Variants in CYP17A1 observed in about 807,000 individuals in gnomAD.
CYP17A1 encodes steroid 17-alpha-hydroxylase/17,20 lyase.
CYP17A1 carries 27 observed loss-of-function variants against 38.5 expected under a neutral mutation model. The ratio of observed to expected loss-of-function variants is 0.70; its 90% CI spans 0.52 to 0.97. The LOEUF (loss-of-function observed/expected upper bound fraction) is 0.97, where lower values mean the gene tolerates loss of function less well. Ranked by LOEUF, CYP17A1 falls within the 50% of genes least tolerant of loss-of-function variation. CYP17A1 has a pLI of 0.00. For missense variants in CYP17A1, 549 were observed against 645.9 expected, an observed-to-expected ratio of 0.85 and a Z score of 1.63; for synonymous variants, 263 against 253.3, an observed-to-expected ratio of 1.04 and a Z score of -0.36.
rs1286338971 is a variant in CYP17A1, at chr10:102,832,984, G to A, written c.969+9C>T. On this transcript the variant is annotated intron_variant, in intron 5 of 7. Coordinates refer to ENST00000369887, the MANE Select transcript of CYP17A1 (RefSeq NM_000102.4). ...GCTGGGGTCTAGGATCAATGAGGGG[G>A]AAGCACACCTGAGGATTGTGCAGCA... 6.2e-7 allele frequency: 1 copy of A among 1,613,776 alleles called. No individual in the cohort carries two copies. Among genetic ancestry groups the A allele is most frequent in the Non-Finnish European group, 8.5e-7 (1 of 1,179,804 alleles).
At position 102,834,086 on chromosome 10, in the gene CYP17A1, G is replaced by T; in HGVS notation, c.703C>A (p.His235Asn). ...AGCAGATCATTTCGTATTTTAACATGGCTCTTTAATTTTTCCAGGGTTTTG... is the reference window on the plus strand; with the variant it reads ...AGCAGATCATTTCGTATTTTAACATTGCTCTTTAATTTTTCCAGGGTTTTG... ...PNKTLEKLKS[H>N]VKIRNDLLNK... The change falls in exon 4 of 8, where the codon CAT becomes AAT. Residue 235 changes from histidine to asparagine, a missense_variant. His to Asn is a moderately conservative substitution (Grantham distance 68). Coordinates refer to ENST00000369887, the MANE Select transcript of CYP17A1 (RefSeq NM_000102.4). 1.5e-6 allele frequency: 2 copies of T among 1,336,964 alleles called. No homozygotes were observed. The highest frequency in any genetic ancestry group is 2.2e-6 in the Non-Finnish European group (2 of 926,942). The allele number at this position is 1,336,964 out of a possible 1,614,324, so 82.8% of individuals were successfully genotyped here. A position where few individuals can be genotyped will look rare whatever the true frequency, so the allele number is the denominator to read the frequency against.
chr10:102,831,786 A>C, intron 6 of CYP17A1, 175 bp from the exon 7 acceptor site: 1 of 1,188,902 alleles, frequency 8.4e-7, no homozygotes, highest in Non-Finnish European at 1.2e-6. Flanking sequence ...GCCCTTCTCC[A>C]TCCCTTCCCT....
intron 1 of CYP17A1, among the ~76,000 whole-genome samples, chr10:102,835,818 T>A (rs1449668808): frequency 6.6e-6 from 1 of 152,136 alleles, no homozygotes; most frequent in Non-Finnish European, 1.5e-5. Flanking sequence ...AGATCTCTGC[T>A]TTTCCCTGAG....
chr10:102,831,697 G>A (rs746197700), intron 6 of CYP17A1, 86 bp from the exon 7 acceptor site: 118 of 1,580,428 alleles, frequency 7.5e-5, no homozygotes, highest in Middle Eastern at 1.7e-4. Flanking sequence ...TTCTTCCGCC[G>A]TGAGGAAAAT....
rs558207891 is a variant in CYP17A1, at chr10:102,834,731, G to A, written c.666+54C>T. ...AGGGAAGTAAAAAGGAAGGAAGATT[G>A]GGGACAATGTCAGGGTCTACTAGAA... On this transcript the variant is annotated intron_variant, in intron 3 of 7. Coordinates refer to ENST00000369887, the MANE Select transcript of CYP17A1 (RefSeq NM_000102.4). 390 of 1,613,448 alleles carry A rather than the reference G, an allele frequency of 2.4e-4. 3 individuals carry two copies. In the South Asian group the frequency reaches 4.1e-3, roughly 17 times the overall value.
In CYP17A1 at chr10:102,834,087, G is replaced by T; in HGVS notation, c.702C>A (p.Ser234Arg). ...FPNKTLEKLKSHVKIRNDLLN... is the reference protein window; with the variant it reads ...FPNKTLEKLKRHVKIRNDLLN... The stretch of plus-strand genomic sequence containing the variant: ...GCAGATCATTTCGTATTTTAACATG[G>T]CTCTTTAATTTTTCCAGGGTTTTGT... Residue 234 changes from serine to arginine, a missense_variant, in exon 4 of 8, where the codon AGC becomes AGA. By Grantham distance (110) the Ser-to-Arg change is moderately radical. Around this residue, in one of 3 missense-constraint regions of CYP17A1, gnomAD observed 289 missense variants for 320.9 expected, o/e 0.90. Coordinates refer to ENST00000369887, the MANE Select transcript of CYP17A1 (RefSeq NM_000102.4). 1.5e-6 allele frequency: 2 copies of T among 1,334,778 alleles called. No homozygotes were observed. Among genetic ancestry groups the T allele is most frequent in the Non-Finnish European group, 2.2e-6 (2 of 924,946 alleles). 82.7% of individuals were successfully genotyped at this position (1,334,778 alleles called of 1,614,324 possible). A position where few individuals can be genotyped will look rare whatever the true frequency, so the allele number is the denominator to read the frequency against.
intron 3 of CYP17A1, chr10:102,834,355 C>A (rs543755428): frequency 1.0e-5 from 6 of 577,688 alleles, no homozygotes; most frequent in Non-Finnish European, 1.9e-5. Flanking sequence ...CTTCCCCATT[C>A]AATCAAACAT....
intron 3 of CYP17A1, 107 bp downstream of exon 3, chr10:102,834,678 G>T (rs1935982520): frequency 6.5e-7 from 1 of 1,540,416 alleles, no homozygotes; most frequent in Non-Finnish European, 8.9e-7. Context: ...AGGTAATCAG[G>T]AAAAAGATGG....
At position 102,830,666 on chromosome 10, in the gene CYP17A1, C is replaced by T. The variant is rs758845751; in HGVS notation, c.*36G>A. 1.6e-6 allele frequency: 2 copies of T among 1,267,130 alleles called. No individual in the cohort carries two copies. Among genetic ancestry groups the T allele is most frequent in the Non-Finnish European group, 2.3e-6 (2 of 874,524 alleles). The allele number at this position is 1,267,130 out of a possible 1,614,324, so 78.5% of individuals were successfully genotyped here. A position where few individuals can be genotyped will look rare whatever the true frequency, so the allele number is the denominator to read the frequency against. On this transcript the variant is annotated 3_prime_UTR_variant, in exon 8 of 8. Coordinates refer to ENST00000369887, the MANE Select transcript of CYP17A1 (RefSeq NM_000102.4). The surrounding 1 kb of genome is among the most constrained non-coding windows in gnomAD (Gnocchi z 4.1). ...GTATCTCTAAATCTGTGTTGTGGGG[C>T]CACATAGGGTGGACAGGGGCTGTGA... is the stretch of plus-strand genomic sequence containing the variant.
In CYP17A1 at chr10:102,837,144, G is replaced by A. The variant is rs1290838496; in HGVS notation, c.218C>T (p.Thr73Ile). Residue 73 changes from threonine (T) to isoleucine (I), a missense_variant, in exon 1 of 8, where the codon ACA becomes ATA. Physicochemically the swap from Thr to Ile is moderately conservative, Grantham distance 89. This residue lies in a region of CYP17A1 where 289 missense variants were observed against 320.9 expected (regional missense o/e 0.90). Coordinates refer to ENST00000369887, the MANE Select transcript of CYP17A1 (RefSeq NM_000102.4). ...IYSVRMGTKT[T>I]VIVGHHQLAK... ...CAGCTGGTGGTGGCCGACAATCACTGTAGTCTTGGTGCCCATACGAACCGA... is the reference window on the plus strand; with the variant it reads ...CAGCTGGTGGTGGCCGACAATCACTATAGTCTTGGTGCCCATACGAACCGA... 3.1e-6 allele frequency: 5 copies of A among 1,595,946 alleles called. No individual in the cohort carries two copies. In the South Asian group the frequency reaches 5.5e-5, roughly 18 times the overall value.
At position 102,830,729 on chromosome 10, in the gene CYP17A1, C is replaced by G; in HGVS notation, c.1500G>C (p.Arg500Ser). Residue 500 changes from arginine (R) to serine (S), a missense_variant, in exon 8 of 8, where the codon AGG becomes AGC. Arg to Ser is a moderately radical substitution (Grantham distance 110). This residue lies in a region of CYP17A1 where 257 missense variants were observed against 307.9 expected (regional missense o/e 0.83). Coordinates refer to ENST00000369887, the MANE Select transcript of CYP17A1 (RefSeq NM_000102.4). This position sits in a 1 kb window ranked among gnomAD's most constrained non-coding sequence, Gnocchi z 4.1. The stretch of plus-strand genomic sequence containing the variant: ...AGGTGCTACCCTCAGCCTGGGCTTC[C>G]CTCCAGGCCTGGCGCACCTTGATCT... ...KVKIKVRQAW[R>S]EAQAEGST is the part of the protein sequence containing the mutation. 3 of 1,600,128 alleles carry G rather than the reference C, an allele frequency of 1.9e-6. No individual in the cohort carries two copies. Among genetic ancestry groups the G allele is most frequent in the Non-Finnish European group, 2.6e-6 (3 of 1,169,702 alleles).
Position 102,837,061 on chromosome 10 carries a change from T to C in CYP17A1, c.297+4A>G. 6.4e-7 allele frequency: 1 copy of C among 1,570,404 alleles called. No individual in the cohort carries two copies. The highest frequency in any genetic ancestry group is 1.1e-5 in the South Asian group (1 of 90,148). ...GGGGCAGGGAGGAGATGGGCACCAC[T>C]TACCATTTGAGGCCGCCCAGAGAAG... On this transcript the variant is annotated splice_donor_region_variant and intron_variant, in intron 1 of 7. Transcript: ENST00000369887.
chr10:102,830,634 G>A lies in CYP17A1; in HGVS notation c.*68C>T, dbSNP rs957193593. On this transcript the variant is annotated 3_prime_UTR_variant, in exon 8 of 8. Coordinates refer to ENST00000369887, the MANE Select transcript of CYP17A1 (RefSeq NM_000102.4). This position sits in a 1 kb window ranked among gnomAD's most constrained non-coding sequence, Gnocchi z 4.1. ...TAGGGAAGAATGGCGGAGAAGGGTGGGGGGTTGTATCTCTAAATCTGTGTT... is the reference window on the plus strand; with the variant it reads ...TAGGGAAGAATGGCGGAGAAGGGTGAGGGGTTGTATCTCTAAATCTGTGTT... 3 of 865,466 alleles carry A rather than the reference G, an allele frequency of 3.5e-6. No individual in the cohort carries two copies. In the African/African-American group the frequency reaches 5.0e-5, roughly 14 times the overall value. 53.6% of individuals were successfully genotyped at this position (865,466 alleles called of 1,614,324 possible).
intron 7 of CYP17A1, 121 bp from the exon 8 acceptor site, chr10:102,831,106 TTATTATGGGGGAACCCCCG>T: frequency 2.3e-6 from 1 of 441,258 alleles, no homozygotes; most frequent in Non-Finnish European, 4.5e-6. Flanking sequence ...GGATGTAGCC[TTATTATGGGGGAACCCCCG>T]CCTGGGGAGA....
At chr10:102,832,430 G>T in intron 6 of CYP17A1, 81 bp downstream of exon 6, 2 of 932,454 alleles carry the variant, frequency 2.1e-6, no homozygotes, top group Admixed American at 3.4e-5. Flanking sequence ...AGCAGGGGCC[G>T]GGGGTAGGGG....
At chr10:102,836,071 G>A (rs284847) in intron 1 of CYP17A1, among the ~76,000 whole-genome samples, 3,367 of 152,212 alleles carry the variant, frequency 0.022, 64 homozygotes, top group Non-Finnish European at 0.035. Context: ...CTCTGCCCCC[G>A]GGAGGAAGCC....
intron 6 of CYP17A1, 39 bp downstream of exon 6, chr10:102,832,472 G>A (rs747379388): frequency 1.4e-6 from 2 of 1,385,154 alleles, no homozygotes; most frequent in East Asian, 2.3e-5. Context: ...AGTGTTGAAT[G>A]CATCATGGGG....
chr10:102,834,350 C>T (rs528569582), intron 3 of CYP17A1: 21 of 579,432 alleles, frequency 3.6e-5, no homozygotes, highest in African/African-American at 2.2e-4. Flanking sequence ...CTCTCCTTCC[C>T]CATTCAATCA....
In CYP17A1 at chr10:102,837,090, T is replaced by G; in HGVS notation, c.272A>C (p.Lys91Thr). 6.2e-7 allele frequency: 1 copy of G among 1,605,470 alleles called. No homozygotes were observed. Reference sequence around the variant, plus strand: ...CATTTGAGGCCGCCCAGAGAAGTCCTTGCCCTTCTTAATAAGCACCTCCTT... The same window carrying G: ...CATTTGAGGCCGCCCAGAGAAGTCCGTGCCCTTCTTAATAAGCACCTCCTT... ...LAKEVLIKKGKDFSGRPQMAT... is the reference protein window; with the variant it reads ...LAKEVLIKKGTDFSGRPQMAT... The change falls in exon 1 of 8, where the codon AAG (lysine) becomes ACG (threonine). Residue 91 changes from lysine (K) to threonine (T), a missense_variant. This residue lies in a region of CYP17A1 where 289 missense variants were observed against 320.9 expected (regional missense o/e 0.90). Coordinates refer to ENST00000369887, the MANE Select transcript of CYP17A1 (RefSeq NM_000102.4).
Sources: gnomAD v4.1 joint callset for allele counts (sites outside exome capture counted in the v4.1 genomes callset) on GRCh38, gnomAD v4.1.1 for gene constraint, gnomAD v4.1.1 regional missense constraint, Gnocchi (gnomAD v3.1) non-coding constraint, MANE v1.5 for transcripts, NCBI Gene and HGNC (gene_info 2026-07-23, HGNC 2026-07-21) for gene names.